ATP8A2: variants seen among roughly 807,000 people sequenced by gnomAD.
ATP8A2 encodes the protein phospholipid-transporting ATPase IB.
Under a neutral mutation model 165.6 loss-of-function variants are expected in ATP8A2, and 100 were observed. The observed-to-expected ratio is 0.60, with a 90% CI of 0.51 to 0.71. ATP8A2 has a LOEUF of 0.71. Among genes scored for constraint, ATP8A2 ranks in the 30% least tolerant of loss-of-function variants. The probability of loss-of-function intolerance (pLI) is 0.00; values close to 1 mark genes in which losing one functional copy is unlikely to be tolerated. For synonymous variants in ATP8A2, 543 were observed against 548.8 expected, an observed-to-expected ratio of 0.99 and a Z score of 0.15; for missense variants, 1,227 against 1,479.5, an observed-to-expected ratio of 0.83 and a Z score of 2.80.
At chr13:26,003,848 T>C (rs1157210407) in intron 35 of ATP8A2, among the ~76,000 whole-genome samples, 1 of 152,164 alleles carries the variant, frequency 6.6e-6, no homozygotes, top group Non-Finnish European at 1.5e-5. Context: ...GGTTTATTTC[T>C]GGCAGTCTAG....
In ATP8A2 at chr13:25,985,997, G is replaced by A. The variant is rs147182591; in HGVS notation, c.3377+17318G>A. ...CATGAAAGCCACGTGCTATATCCCT[G>A]TGTGTTAATTTTGCATTCAGTTTTT... On this transcript the variant is annotated intron_variant, in intron 35 of 36. Coordinates refer to ENST00000381655, the MANE Select transcript of ATP8A2 (RefSeq NM_016529.6). Among the ~76,000 whole-genome samples the A allele has an allele frequency of 2.0e-3, 307 of 152,342 alleles. 1 individual carries two copies. Among genetic ancestry groups the A allele is most frequent in the African/African-American group, 6.6e-3 (273 of 41,586 alleles).
chr13:25,628,652 C>T (rs2041162550), intron 24 of ATP8A2, among the ~76,000 whole-genome samples: 1 of 152,038 alleles, frequency 6.6e-6, no homozygotes, highest in African/African-American at 2.4e-5. Context: ...TCAGTCTCCT[C>T]TGATGGTTGA....
At chr13:25,630,961 C>T (rs2041226773) in intron 24 of ATP8A2, among the ~76,000 whole-genome samples, 2 of 152,112 alleles carry the variant, frequency 1.3e-5, no homozygotes, top group Admixed American at 1.3e-4. Context: ...TTTGGCTGTG[C>T]TGGAGGCCAT....
intron 24 of ATP8A2, among the ~76,000 whole-genome samples, chr13:25,603,342 T>A (rs9511831): frequency 0.49 from 74,581 of 151,316 alleles, 20,006 homozygotes; most frequent in Admixed American, 0.61. Context: ...ACAAAAAAAA[T>A]TTAGCCAGTG....
rs141669853 is a variant in ATP8A2, at chr13:25,389,808, A to T, written c.76+17520A>T. Among the ~76,000 whole-genome samples the T allele has an allele frequency of 5.7e-4, 87 of 152,296 alleles. 1 individual carries two copies. The highest frequency in any genetic ancestry group is 2.0e-3 in the African/African-American group (84 of 41,554). On this transcript the variant is annotated intron_variant, in intron 1 of 36. Transcript: ENST00000381655. Reference sequence around the variant, plus strand: ...ATCTGGCTGGGGAGAGAAGACCTGGACATGTAAAAAGGAAACAGTGAAAAG... The same window carrying T: ...ATCTGGCTGGGGAGAGAAGACCTGGTCATGTAAAAAGGAAACAGTGAAAAG...
intron 24 of ATP8A2, among the ~76,000 whole-genome samples, chr13:25,607,780 G>A (rs1256397814): frequency 1.3e-5 from 2 of 152,162 alleles, no homozygotes; most frequent in Non-Finnish European, 2.9e-5. Flanking sequence ...AAATAATGAA[G>A]TAGATTCATC....
intron 10 of ATP8A2, among the ~76,000 whole-genome samples, chr13:25,546,895 T>C (rs1457551112): frequency 1.3e-5 from 2 of 152,034 alleles, no homozygotes; most frequent in Non-Finnish European, 1.5e-5. Context: ...TTTGGGAGGC[T>C]GAGGCGGGTG....
At chr13:25,891,755 G>T (rs533546285) in intron 33 of ATP8A2, among the ~76,000 whole-genome samples, 71 of 152,146 alleles carry the variant, frequency 4.7e-4, no homozygotes, top group Non-Finnish European at 9.0e-4. Flanking sequence ...CTGCATTTAA[G>T]TGTATGAGTG....
chr13:25,898,906 C>T (rs1458311902), intron 33 of ATP8A2, among the ~76,000 whole-genome samples: 1 of 152,166 alleles, frequency 6.6e-6, no homozygotes, highest in Non-Finnish European at 1.5e-5. Context: ...GGGAGTGACC[C>T]GATTTTCCAG....
intron 33 of ATP8A2, among the ~76,000 whole-genome samples, chr13:25,933,067 C>T (rs959983405): frequency 6.6e-6 from 1 of 152,224 alleles, no homozygotes; most frequent in South Asian, 2.1e-4. Context: ...AGGCTGGTCT[C>T]AAACTCCTGA....
At chr13:25,870,109 C>T (rs1952633676) in intron 33 of ATP8A2, among the ~76,000 whole-genome samples, 1 of 152,218 alleles carries the variant, frequency 6.6e-6, no homozygotes, top group South Asian at 2.1e-4. Flanking sequence ...GACAGCCCGG[C>T]TGTCCTCCAA....
At chr13:25,436,876 A>G (rs2034794538) in intron 1 of ATP8A2, among the ~76,000 whole-genome samples, 1 of 151,626 alleles carries the variant, frequency 6.6e-6, no homozygotes, top group South Asian at 2.1e-4. Context: ...TCTCAGGGTT[A>G]GGTGATCTTC....
At chr13:25,740,166 A>G (rs1566093825) in intron 25 of ATP8A2, among the ~76,000 whole-genome samples, 1 of 152,064 alleles carries the variant, frequency 6.6e-6, no homozygotes, top group African/African-American at 2.4e-5. Flanking sequence ...AAAATTAGCT[A>G]GGCGTGGTGG....
chr13:25,494,481 G>A (rs899618543), intron 2 of ATP8A2, among the ~76,000 whole-genome samples: 2 of 152,166 alleles, frequency 1.3e-5, no homozygotes, highest in African/African-American at 4.8e-5. Context: ...ATGAAAGCCT[G>A]TTTGGCAGGG....
intron 1 of ATP8A2, among the ~76,000 whole-genome samples, chr13:25,426,915 T>C (rs116418530): frequency 0.022 from 3,334 of 152,240 alleles, 125 homozygotes; most frequent in African/African-American, 0.075. Context: ...CACTGCACTC[T>C]AGCCTGGGTG....
At position 25,762,201 on chromosome 13, in the gene ATP8A2, G is replaced by A. The variant is rs150910348; in HGVS notation, c.2385-6845G>A. On this transcript the variant is annotated intron_variant, in intron 25 of 36. Coordinates refer to ENST00000381655, the MANE Select transcript of ATP8A2 (RefSeq NM_016529.6). ...AGAGAATTGCTTGAACCTGGGAGGC[G>A]GAGGTTGCAGTGAGCCAAGATCATT... is the stretch of plus-strand genomic sequence containing the variant. Among the ~76,000 whole-genome samples the A allele has an allele frequency of 2.8e-5, 4 of 141,146 alleles. 1 individual carries two copies. The highest frequency in any genetic ancestry group is 2.2e-4 in the Admixed American group (3 of 13,446). 92.6% of individuals were successfully genotyped at this position (141,146 alleles called of 152,430 possible).
chr13:25,968,435 CTG>C, intron 34 of ATP8A2, 138 bp from the exon 35 acceptor site: 3 of 688,812 alleles, frequency 4.4e-6, no homozygotes, highest in Non-Finnish European at 7.7e-6. Flanking sequence ...TGCATGGAGA[CTG>C]TGAAAGCTCC....
At position 25,775,431 on chromosome 13, in the gene ATP8A2, CT is replaced by C. The variant is rs139053879; in HGVS notation, c.2679+474del. ...CAAGTTTCCTAGCATCCATTCACTG[CT>C]TCTGGGATACTTGGACACTGGTACT... On this transcript the variant is annotated intron_variant, in intron 27 of 36. Transcript: ENST00000381655. 4.6e-3 allele frequency among the ~76,000 whole-genome samples: 705 copies of C among 152,300 alleles called. 5 individuals are homozygous for C. The highest frequency in any genetic ancestry group is 0.016 in the African/African-American group (680 of 41,552).
At chr13:25,533,165 G>A in intron 5 of ATP8A2, 108 bp from the exon 6 acceptor site, 1 of 682,352 alleles carries the variant, frequency 1.5e-6, no homozygotes, top group Non-Finnish European at 2.6e-6. Context: ...TAAAGATAGG[G>A]TATGTTAGAA....
Sources: gnomAD v4.1 joint callset for allele counts (sites outside exome capture counted in the v4.1 genomes callset) on GRCh38, gnomAD v4.1.1 for gene constraint, MANE v1.5 for transcripts, NCBI Gene and HGNC (gene_info 2026-07-23, HGNC 2026-07-21) for gene names.